Variants in CSMD1 observed in about 807,000 individuals in gnomAD.
CSMD1 encodes the protein CUB and sushi domain-containing protein 1.
In CSMD1, 213 loss-of-function variants were observed where a neutral mutation model predicts 417.5. That is an observed-to-expected ratio of 0.51 (90% confidence interval 0.46 to 0.57). CSMD1 has a LOEUF of 0.57. Ranked by LOEUF, CSMD1 falls within the 20% of genes least tolerant of loss-of-function variation. CSMD1 has a pLI of 0.00. For synonymous variants in CSMD1, 2,862 were observed against 1,736.8 expected, an observed-to-expected ratio of 1.65 and a Z score of -16.11; for missense variants, 6,923 against 4,529.7, an observed-to-expected ratio of 1.53 and a Z score of -15.17.
chr8:4,401,455 C>A (rs566886167), intron 3 of CSMD1, among the ~76,000 whole-genome samples: 12 of 152,100 alleles, frequency 7.9e-5, no homozygotes, highest in Non-Finnish European at 4.4e-5. Context: ...TAGGTAATTT[C>A]AAGCTTCCAG....
At chr8:3,998,807 AG>A (rs1815429330) in intron 4 of CSMD1, among the ~76,000 whole-genome samples, 1 of 151,456 alleles carries the variant, frequency 6.6e-6, no homozygotes, top group South Asian at 2.1e-4. Flanking sequence ...AGAGTAAAAA[AG>A]CTTCTTTGTT....
At chr8:4,472,429 T>C (rs1220144430) in intron 2 of CSMD1, among the ~76,000 whole-genome samples, 6 of 152,112 alleles carry the variant, frequency 3.9e-5, no homozygotes. Context: ...AAGGTATATG[T>C]CATTTATAGA....
intron 10 of CSMD1, among the ~76,000 whole-genome samples, chr8:3,567,764 C>G (rs945095335): frequency 2.0e-5 from 3 of 152,110 alleles, no homozygotes; most frequent in African/African-American, 7.2e-5. Context: ...CTCTCTGCCC[C>G]CTTCCCTCAC....
intron 3 of CSMD1, among the ~76,000 whole-genome samples, chr8:4,362,310 G>A (rs530228945): frequency 7.9e-5 from 12 of 152,048 alleles, no homozygotes; most frequent in Admixed American, 7.9e-4. Flanking sequence ...GGACTCCTTG[G>A]CCCTGGGGTT....
chr8:3,276,839 C>G (rs1411589724), intron 26 of CSMD1, among the ~76,000 whole-genome samples: 1 of 152,088 alleles, frequency 6.6e-6, no homozygotes, highest in African/African-American at 2.4e-5. Context: ...TTAGCAGACA[C>G]TTGTTGGATA....
chr8:3,632,596 A>G (rs1229043659), intron 7 of CSMD1, among the ~76,000 whole-genome samples: 1 of 152,220 alleles, frequency 6.6e-6, no homozygotes, highest in African/African-American at 2.4e-5. Flanking sequence ...TTCTGGATTT[A>G]CTACCTAAAT....
intron 3 of CSMD1, among the ~76,000 whole-genome samples, chr8:4,186,334 A>G (rs965470529): frequency 1.3e-5 from 2 of 152,144 alleles, no homozygotes; most frequent in African/African-American, 4.8e-5. Context: ...GGGACTCCTC[A>G]TGGCCCAGCC....
intron 20 of CSMD1, among the ~76,000 whole-genome samples, chr8:3,366,494 C>T (rs1585059188): frequency 6.6e-6 from 1 of 152,150 alleles, no homozygotes; most frequent in East Asian, 1.9e-4. Context: ...TATATATTAT[C>T]ATTAAAAATA....
At chr8:4,432,706 G>A (rs1474372084) in intron 2 of CSMD1, among the ~76,000 whole-genome samples, 2 of 152,176 alleles carry the variant, frequency 1.3e-5, no homozygotes, top group Non-Finnish European at 2.9e-5. Context: ...TCCAGAGCCT[G>A]TGCTTTTAAC....
At chr8:3,763,997 G>C (rs1798139845) in intron 5 of CSMD1, among the ~76,000 whole-genome samples, 1 of 152,150 alleles carries the variant, frequency 6.6e-6, no homozygotes, top group Non-Finnish European at 1.5e-5. Context: ...CTGTCTGTTT[G>C]TCATGAAGCT....
intron 41 of CSMD1, among the ~76,000 whole-genome samples, chr8:3,135,716 C>G (rs925848851): frequency 1.4e-4 from 21 of 152,122 alleles, no homozygotes; most frequent in Admixed American, 1.4e-3. Flanking sequence ...GATCACATTT[C>G]TGACTCTGTG....
chr8:3,522,757 C>A (rs1797560577), intron 10 of CSMD1, among the ~76,000 whole-genome samples: 1 of 152,026 alleles, frequency 6.6e-6, no homozygotes, highest in Admixed American at 6.6e-5. Flanking sequence ...CTACAAAGTG[C>A]TCTACCACAA....
chr8:3,082,669 C>G (rs1484394084), intron 49 of CSMD1, among the ~76,000 whole-genome samples: 1 of 152,186 alleles, frequency 6.6e-6, no homozygotes, highest in Non-Finnish European at 1.5e-5. Context: ...AGGCTTCAGA[C>G]CCACAGCAAC....
At chr8:3,940,533 G>A (rs1190071618) in intron 5 of CSMD1, among the ~76,000 whole-genome samples, 11 of 140,194 alleles carry the variant, frequency 7.8e-5, no homozygotes, top group African/African-American at 1.7e-4. Flanking sequence ...GTGTGTGTGT[G>A]TGTATGTATG....
At chr8:4,195,245 G>A (rs1282662585) in intron 3 of CSMD1, among the ~76,000 whole-genome samples, 1 of 152,100 alleles carries the variant, frequency 6.6e-6, no homozygotes, top group Non-Finnish European at 1.5e-5. Flanking sequence ...TTTTTAATTT[G>A]TTTTTTAAGA....
At chr8:3,833,502 C>G (rs1432342022) in intron 5 of CSMD1, among the ~76,000 whole-genome samples, 1 of 151,990 alleles carries the variant, frequency 6.6e-6, no homozygotes, top group Non-Finnish European at 1.5e-5. Context: ...AAGCCCTTTC[C>G]TCATTCATAT....
At chr8:3,649,422 C>T (rs1269055524) in intron 7 of CSMD1, among the ~76,000 whole-genome samples, 1 of 152,146 alleles carries the variant, frequency 6.6e-6, no homozygotes, top group East Asian at 1.9e-4. Flanking sequence ...AAATAACTGC[C>T]TGAGACTGGG....
At chr8:4,267,774 T>A (rs1804312300) in intron 3 of CSMD1, among the ~76,000 whole-genome samples, 1 of 152,156 alleles carries the variant, frequency 6.6e-6, no homozygotes, top group Non-Finnish European at 1.5e-5. Context: ...GAATGCATAT[T>A]TTATATTGAA....
intron 2 of CSMD1, among the ~76,000 whole-genome samples, chr8:4,621,986 A>T (rs1391765697): frequency 6.6e-6 from 1 of 152,082 alleles, no homozygotes; most frequent in Non-Finnish European, 1.5e-5. Flanking sequence ...CTTATTCATA[A>T]TAAAACCCTC....
Sources: gnomAD v4.1 joint callset for allele counts (sites outside exome capture counted in the v4.1 genomes callset) on GRCh38, gnomAD v4.1.1 for gene constraint, MANE v1.5 for transcripts, NCBI Gene and HGNC (gene_info 2026-07-23, HGNC 2026-07-21) for gene names.